Variants in OR2L13 observed in about 807,000 individuals in gnomAD.
The protein encoded by OR2L13 is olfactory receptor family 2 subfamily L member 13.
A neutral mutation model predicts 15.3 loss-of-function variants in OR2L13; 14 were observed. The observed-to-expected ratio is 0.91, with a 90% CI of 0.60 to 1.43. The LOEUF (loss-of-function observed/expected upper bound fraction) is 1.43. Among genes scored for constraint, OR2L13 ranks in the 40% most tolerant of loss-of-function variants. The pLI is 0.00. For missense variants in OR2L13, 367 were observed against 387.9 expected, an observed-to-expected ratio of 0.95 and a Z score of 0.45; for synonymous variants, 152 against 142.9, an observed-to-expected ratio of 1.06 and a Z score of -0.45.
chr1:247,992,668 C>T, the OR2L13 span, among the ~76,000 whole-genome samples: 1 of 152,128 alleles, frequency 6.6e-6, no homozygotes, highest in African/African-American at 2.4e-5. Flanking sequence ...GGATTATGGC[C>T]CCCAGCTCTA....
chr1:247,967,363 A>G, the OR2L13 span, among the ~76,000 whole-genome samples: 5 of 151,676 alleles, frequency 3.3e-5, no homozygotes, highest in East Asian at 5.8e-4. Flanking sequence ...CAAATAGTTG[A>G]GATTACAGGC....
At chr1:248,033,579 G>T in the OR2L13 span, among the ~76,000 whole-genome samples, 1 of 150,110 alleles carries the variant, frequency 6.7e-6, no homozygotes, top group Non-Finnish European at 1.5e-5. Flanking sequence ...TGGGACTACT[G>T]GTGCGAGCCA....
chr1:248,099,260 C>A, intron 2 of OR2L13, 98 bp from the exon 3 acceptor site: 1 of 719,030 alleles, frequency 1.4e-6, no homozygotes. Flanking sequence ...ACAACTCATT[C>A]TAAACAAACA....
the OR2L13 span, among the ~76,000 whole-genome samples, chr1:247,988,497 G>T: frequency 2.6e-5 from 4 of 151,920 alleles, no homozygotes; most frequent in African/African-American, 4.8e-5. Flanking sequence ...TCTTTTTGCA[G>T]GTTTCTGATC....
At chr1:248,087,043 AAC>A in the OR2L13 span, among the ~76,000 whole-genome samples, 1 of 152,086 alleles carries the variant, frequency 6.6e-6, no homozygotes, top group East Asian at 1.9e-4. Context: ...CTTACTTGAA[AAC>A]ACACACAGAT....
chr1:247,985,592 T>C, the OR2L13 span, among the ~76,000 whole-genome samples: 1 of 152,146 alleles, frequency 6.6e-6, no homozygotes, highest in Non-Finnish European at 1.5e-5. Flanking sequence ...GTCTTTATAG[T>C]AGCATGATTT....
chr1:248,022,347 C>A, the OR2L13 span: 1 of 1,614,110 alleles, frequency 6.2e-7, no homozygotes, highest in Non-Finnish European at 8.5e-7. Context: ...CTATCCCATC[C>A]GTATGAGCAA....
At chr1:248,038,822 G>A in the OR2L13 span, 12 of 1,614,118 alleles carry the variant, frequency 7.4e-6, no homozygotes, top group East Asian at 4.5e-5. Flanking sequence ...CTATGTTGAC[G>A]CTAGCCTGCA....
At chr1:248,095,607 C>CTTTTTTTTTTTTTTTTT (rs780686820), upstream of OR2L13, among the ~76,000 whole-genome samples, 70 of 37,308 alleles carry the variant, frequency 1.9e-3, 25 homozygotes, top group East Asian at 5.6e-3. Flanking sequence ...AAAGCTGCTG[C>CTTTTTTTTTTTTTTTTT]TTTTTTTTTT....
the OR2L13 span, among the ~76,000 whole-genome samples, chr1:248,059,226 G>C: frequency 4.4e-4 from 67 of 152,200 alleles, 1 homozygote; most frequent in African/African-American, 1.6e-3. Context: ...GGTGGTATTT[G>C]GCTCTAGACT....
the OR2L13 span, chr1:248,038,184 A>G: frequency 2.1e-6 from 2 of 968,912 alleles, no homozygotes; most frequent in Non-Finnish European, 3.2e-6. Flanking sequence ...GGAGTCTTGT[A>G]ATGCAGCCAC....
chr1:247,963,585 T>C, the OR2L13 span, among the ~76,000 whole-genome samples: 3 of 152,342 alleles, frequency 2.0e-5, no homozygotes, highest in South Asian at 2.1e-4. Context: ...TTTCAGATTT[T>C]TAGTATAATC....
the OR2L13 span, among the ~76,000 whole-genome samples, chr1:248,075,363 T>C: frequency 6.6e-6 from 1 of 152,248 alleles, no homozygotes; most frequent in Non-Finnish European, 1.5e-5. Flanking sequence ...TTTGGGTATA[T>C]ACCCAGTAAT....
At chr1:247,995,398 A>T in the OR2L13 span, among the ~76,000 whole-genome samples, 1 of 152,298 alleles carries the variant, frequency 6.6e-6, no homozygotes, top group Non-Finnish European at 1.5e-5. Flanking sequence ...ACATGCCCAG[A>T]TGTTGCACTT....
At chr1:247,983,005 G>A in the OR2L13 span, among the ~76,000 whole-genome samples, 1 of 151,862 alleles carries the variant, frequency 6.6e-6, no homozygotes, top group Admixed American at 6.6e-5. Flanking sequence ...TTATGTAAAT[G>A]TTTATTTTTA....
At chr1:248,075,553 C>T in the OR2L13 span, among the ~76,000 whole-genome samples, 10 of 152,048 alleles carry the variant, frequency 6.6e-5, no homozygotes, top group South Asian at 4.1e-4. Context: ...TTCTAACTGG[C>T]GTGAGATGGT....
chr1:247,978,327 GT>G, the OR2L13 span, among the ~76,000 whole-genome samples: 1 of 151,174 alleles, frequency 6.6e-6, no homozygotes, highest in African/African-American at 2.5e-5. Flanking sequence ...CACTCAATGG[GT>G]AATTGAACCC....
At chr1:248,070,816 T>C in the OR2L13 span, among the ~76,000 whole-genome samples, 1 of 151,818 alleles carries the variant, frequency 6.6e-6, no homozygotes, top group Non-Finnish European at 1.5e-5. Context: ...CCCACAGAAA[T>C]ACAAACTATC....
At chr1:248,078,971 G>T in the OR2L13 span, among the ~76,000 whole-genome samples, 2 of 152,100 alleles carry the variant, frequency 1.3e-5, no homozygotes, top group African/African-American at 4.8e-5. Flanking sequence ...GACGTTAGGA[G>T]GTTTGGGGAG....
Sources: allele counts gnomAD v4.1 joint callset (sites outside exome capture counted in the v4.1 genomes callset), GRCh38; gene constraint gnomAD v4.1.1; transcripts MANE v1.5; gene names NCBI Gene and HGNC (gene_info 2026-07-23, HGNC 2026-07-21).